Variants in CENPW observed in about 807,000 individuals in gnomAD.
CENPW encodes cancer-up-regulated gene 2 protein.
In CENPW, 3 loss-of-function variants were observed where a neutral mutation model predicts 11.1. That is an observed-to-expected ratio of 0.27 (90% CI 0.12 to 0.70). CENPW has a LOEUF of 0.70. Among genes scored for constraint, CENPW ranks in the 30% least tolerant of loss-of-function variants. The pLI is 0.77. For missense variants in CENPW, 100 were observed against 105.6 expected (o/e 0.95, Z 0.23); for synonymous variants, 38 against 42.0 (o/e 0.91, Z 0.37).
downstream of CENPW, chr6:126,348,881 T>G (rs1006978926): frequency 1.3e-5 from 2 of 155,536 alleles, no homozygotes; most frequent in Admixed American, 6.5e-5. Flanking sequence ...GAAAGGCAAA[T>G]GCAGTCAAAT....
chr6:126,455,718 A>G, the CENPW span, among the ~76,000 whole-genome samples: 1 of 151,450 alleles, frequency 6.6e-6, no homozygotes, highest in Non-Finnish European at 1.5e-5. Context: ...AGTCAAAGCC[A>G]GGGCAATCAG....
At chr6:126,430,334 A>G in the CENPW span, among the ~76,000 whole-genome samples, 1 of 152,370 alleles carries the variant, frequency 6.6e-6, no homozygotes, top group Admixed American at 6.5e-5. Flanking sequence ...CCAGTGCTCA[A>G]CATAGAAAAG....
chr6:126,482,933 C>T, the CENPW span, among the ~76,000 whole-genome samples: 2 of 151,860 alleles, frequency 1.3e-5, no homozygotes, highest in East Asian at 3.9e-4. Context: ...GGGAGATTGG[C>T]ATTTTATCAA....
At chr6:126,426,569 A>G in the CENPW span, among the ~76,000 whole-genome samples, 1 of 152,214 alleles carries the variant, frequency 6.6e-6, no homozygotes, top group South Asian at 2.1e-4. Context: ...CTACATAGTC[A>G]GAAATAGCTC....
At chr6:126,353,828 A>G (rs1780519377), downstream of CENPW, among the ~76,000 whole-genome samples, 1 of 151,418 alleles carries the variant, frequency 6.6e-6, no homozygotes, top group African/African-American at 2.4e-5. Flanking sequence ...CTTGTCTTTT[A>G]TTTCACTAAT....
chr6:126,482,710 C>T, the CENPW span, among the ~76,000 whole-genome samples: 1 of 151,800 alleles, frequency 6.6e-6, no homozygotes, highest in Non-Finnish European at 1.5e-5. Context: ...CATTTGTTTA[C>T]CTTTTGTTGT....
chr6:126,439,848 T>C, the CENPW span, among the ~76,000 whole-genome samples: 74,552 of 151,356 alleles, frequency 0.49, 19,478 homozygotes, highest in East Asian at 0.97. Flanking sequence ...CATGACTTTC[T>C]GTATCATATT....
At chr6:126,436,474 A>G in the CENPW span, among the ~76,000 whole-genome samples, 1 of 151,810 alleles carries the variant, frequency 6.6e-6, no homozygotes, top group East Asian at 1.9e-4. Context: ...AACTCTACTT[A>G]TTAATATCAT....
the CENPW span, among the ~76,000 whole-genome samples, chr6:126,399,761 A>G: frequency 6.6e-6 from 1 of 152,048 alleles, no homozygotes; most frequent in African/African-American, 2.4e-5. Context: ...ATTTTGACCT[A>G]TGTAATTATC....
chr6:126,395,265 C>T, the CENPW span, among the ~76,000 whole-genome samples: 1 of 151,956 alleles, frequency 6.6e-6, no homozygotes, highest in Non-Finnish European at 1.5e-5. Context: ...TTTGAATAAC[C>T]TGTCTTTAAG....
the CENPW span, among the ~76,000 whole-genome samples, chr6:126,425,740 CTGT>C: frequency 4.6e-5 from 7 of 151,596 alleles, no homozygotes; most frequent in African/African-American, 1.7e-4. Flanking sequence ...TATGCATCAT[CTGT>C]ACACTAGTTC....
the CENPW span, among the ~76,000 whole-genome samples, chr6:126,433,804 G>T: frequency 1.3e-5 from 2 of 152,178 alleles, no homozygotes; most frequent in South Asian, 2.1e-4. Context: ...GATTATGGGG[G>T]TTATGGGTAA....
the CENPW span, among the ~76,000 whole-genome samples, chr6:126,458,377 C>A: frequency 6.6e-6 from 1 of 151,264 alleles, no homozygotes; most frequent in East Asian, 2.0e-4. Flanking sequence ...TTCATATATT[C>A]CCCTCTCTCC....
the CENPW span, among the ~76,000 whole-genome samples, chr6:126,444,037 A>G: frequency 6.7e-6 from 1 of 148,260 alleles, no homozygotes; most frequent in African/African-American, 2.5e-5. Context: ...GTTAAAAAGC[A>G]TGACGTCAAT....
At chr6:126,464,930 C>G in the CENPW span, among the ~76,000 whole-genome samples, 1 of 152,070 alleles carries the variant, frequency 6.6e-6, no homozygotes, top group Non-Finnish European at 1.5e-5. Flanking sequence ...AAACTGAATG[C>G]TTTCTTTCTA....
chr6:126,432,859 T>C, the CENPW span, among the ~76,000 whole-genome samples: 2 of 152,172 alleles, frequency 1.3e-5, no homozygotes, highest in Non-Finnish European at 2.9e-5. Context: ...TAAACATAGT[T>C]CAAACTTCAC....
the CENPW span, among the ~76,000 whole-genome samples, chr6:126,394,050 C>T: frequency 6.6e-6 from 1 of 151,768 alleles, no homozygotes; most frequent in Non-Finnish European, 1.5e-5. Flanking sequence ...TTGTTGTAGG[C>T]AACAGATCAT....
At chr6:126,376,605 C>G in the CENPW span, among the ~76,000 whole-genome samples, 1 of 152,116 alleles carries the variant, frequency 6.6e-6, no homozygotes, top group Middle Eastern at 3.4e-3. Flanking sequence ...GAGAACCAGA[C>G]TAGGTGCTTC....
chr6:126,392,153 A>C, the CENPW span, among the ~76,000 whole-genome samples: 2 of 151,780 alleles, frequency 1.3e-5, no homozygotes, highest in Non-Finnish European at 1.5e-5. Context: ...TTCTTCCATC[A>C]ATGTTTTGTA....
Sources: allele counts gnomAD v4.1 joint callset (sites outside exome capture counted in the v4.1 genomes callset), GRCh38; gene constraint gnomAD v4.1.1; transcripts MANE v1.5; gene names NCBI Gene and HGNC (gene_info 2026-07-23, HGNC 2026-07-21).